The following KCNN2 variants were observed in gnomAD, a reference collection of about 807,000 sequenced individuals.
KCNN2 encodes the protein potassium calcium-activated channel subfamily N member 2.
A neutral mutation model predicts 55.5 loss-of-function variants in KCNN2; 24 were observed. That is an observed-to-expected ratio of 0.43 (90% CI 0.31 to 0.61). The LOEUF (loss-of-function observed/expected upper bound fraction) is 0.61, where lower values mean the gene tolerates loss of function less well. Among genes scored for constraint, KCNN2 ranks in the 20% least tolerant of loss-of-function variants. The probability of loss-of-function intolerance (pLI) is 0.08; values close to 1 mark genes in which losing one functional copy is unlikely to be tolerated. For missense variants in KCNN2, 754 were observed against 853.6 expected, an observed-to-expected ratio of 0.88 and a Z score of 1.45; for synonymous variants, 431 against 336.1, an observed-to-expected ratio of 1.28 and a Z score of -3.09.
intron 2 of KCNN2, among the ~76,000 whole-genome samples, chr5:114,272,399 A>G (rs1378410521): frequency 1.7e-5 from 1 of 59,050 alleles, no homozygotes; most frequent in East Asian, 6.2e-4. Flanking sequence ...ACACACATAT[A>G]TGTATGTACA....
intron 2 of KCNN2, among the ~76,000 whole-genome samples, chr5:114,264,271 T>C (rs1755166302): frequency 6.6e-6 from 1 of 152,098 alleles, no homozygotes; most frequent in Admixed American, 6.5e-5. Flanking sequence ...GTACCCTTTC[T>C]GTATATGAAT....
intron 2 of KCNN2, among the ~76,000 whole-genome samples, chr5:114,394,365 T>C (rs774325444): frequency 2.0e-5 from 3 of 152,198 alleles, no homozygotes; most frequent in Admixed American, 6.5e-5. Flanking sequence ...TTAAGAACTT[T>C]TATGTATTAG....
chr5:114,412,685 G>T (rs75238612), intron 3 of KCNN2, among the ~76,000 whole-genome samples: 1 of 152,144 alleles, frequency 6.6e-6, no homozygotes, highest in African/African-American at 2.4e-5. Flanking sequence ...GTATTTTCAG[G>T]AGAGTCACCC....
intron 1 of KCNN2, among the ~76,000 whole-genome samples, chr5:114,070,109 A>C (rs1750536574): frequency 6.6e-6 from 1 of 152,164 alleles, no homozygotes; most frequent in Admixed American, 6.5e-5. Flanking sequence ...TTTTATCTTA[A>C]CAGTGTGCAC....
At chr5:114,348,799 A>G (rs967201948) in intron 2 of KCNN2, among the ~76,000 whole-genome samples, 2 of 152,166 alleles carry the variant, frequency 1.3e-5, no homozygotes, top group Admixed American at 6.5e-5. Context: ...AATCTTATAG[A>G]TCAAAGGTTG....
chr5:114,181,446 G>T (rs935682366), intron 1 of KCNN2, among the ~76,000 whole-genome samples: 1 of 151,992 alleles, frequency 6.6e-6, no homozygotes, highest in South Asian at 2.1e-4. Context: ...TTTTTGGATT[G>T]GTTATATTCT....
chr5:114,183,727 C>CT (rs954898156), intron 1 of KCNN2, among the ~76,000 whole-genome samples: 54 of 143,608 alleles, frequency 3.8e-4, no homozygotes, highest in Middle Eastern at 3.8e-3. Context: ...TTGTACTCTC[C>CT]TTTTTTTTTT....
chr5:114,265,274 T>G (rs1755186578), intron 2 of KCNN2, among the ~76,000 whole-genome samples: 1 of 152,032 alleles, frequency 6.6e-6, no homozygotes, highest in Admixed American at 6.6e-5. Flanking sequence ...TTAACCAATT[T>G]TATACATGTT....
chr5:114,422,623 G>A lies in KCNN2; in HGVS notation c.1637+17767G>A, dbSNP rs181377968. Reference sequence around the variant, plus strand: ...ACAAGTCTGTTATGGATTACAAATGGCTAGGCATTCCAAAACAAAGCAAAA... The same window carrying A: ...ACAAGTCTGTTATGGATTACAAATGACTAGGCATTCCAAAACAAAGCAAAA... On this transcript the variant is annotated intron_variant, in intron 3 of 7. Coordinates refer to ENST00000673685, the MANE Select transcript of KCNN2 (RefSeq NM_021614.4). Among the ~76,000 whole-genome samples the A allele has an allele frequency of 5.3e-4, 81 of 152,250 alleles. No individual in the cohort carries two copies. In the South Asian group the frequency reaches 9.4e-3, roughly 18 times the overall value.
intron 1 of KCNN2, among the ~76,000 whole-genome samples, chr5:114,166,613 G>A (rs1752918222): frequency 6.6e-6 from 1 of 152,108 alleles, no homozygotes; most frequent in South Asian, 2.1e-4. Context: ...GTTTTCACCT[G>A]GTTCTCTTGG....
intron 3 of KCNN2, among the ~76,000 whole-genome samples, chr5:114,459,783 G>C (rs1761109621): frequency 6.6e-6 from 1 of 152,126 alleles, no homozygotes; most frequent in Non-Finnish European, 1.5e-5. Context: ...AAAGATGCAT[G>C]TTTCTATTTA....
intron 2 of KCNN2, among the ~76,000 whole-genome samples, chr5:114,295,028 A>G (rs1580702006): frequency 6.6e-6 from 1 of 152,090 alleles, no homozygotes; most frequent in Non-Finnish European, 1.5e-5. Context: ...TTTGCTTGGT[A>G]GATCTTCCTC....
intron 2 of KCNN2, among the ~76,000 whole-genome samples, chr5:114,395,525 C>G (rs1232362807): frequency 1.3e-5 from 2 of 152,106 alleles, no homozygotes; most frequent in African/African-American, 2.4e-5. Context: ...AATATTAGTT[C>G]TTCTCATTAC....
At chr5:114,174,253 A>G (rs774250722) in intron 1 of KCNN2, among the ~76,000 whole-genome samples, 4 of 152,148 alleles carry the variant, frequency 2.6e-5, no homozygotes, top group Non-Finnish European at 5.9e-5. Flanking sequence ...CATAAGATAC[A>G]TGAACCCTGC....
chr5:114,363,817 A>G, intron 1 of KCNN2, 89 bp from the exon 2 acceptor site: 1 of 869,020 alleles, frequency 1.2e-6, no homozygotes. Context: ...GTTCAGGTCC[A>G]CCTGTGGGGG....
intron 1 of KCNN2, among the ~76,000 whole-genome samples, chr5:114,140,296 T>C (rs890517756): frequency 1.3e-5 from 2 of 152,244 alleles, no homozygotes; most frequent in Non-Finnish European, 2.9e-5. Context: ...TAGCTAAACC[T>C]CAGCTCAGTG....
At chr5:114,147,343 AT>A (rs1239352909) in intron 1 of KCNN2, among the ~76,000 whole-genome samples, 1 of 152,136 alleles carries the variant, frequency 6.6e-6, no homozygotes, top group African/African-American at 2.4e-5. Context: ...TTTTAACCTC[AT>A]TTTTTGACAA....
intron 2 of KCNN2, among the ~76,000 whole-genome samples, chr5:114,401,643 G>C (rs1035765606): frequency 6.6e-6 from 1 of 152,184 alleles, no homozygotes; most frequent in Non-Finnish European, 1.5e-5. Flanking sequence ...GGAGTTTCCA[G>C]ATTTTTACAG....
intron 3 of KCNN2, among the ~76,000 whole-genome samples, chr5:114,425,005 GT>G (rs2150083336): frequency 6.6e-6 from 1 of 152,258 alleles, no homozygotes; most frequent in East Asian, 1.9e-4. Context: ...GGACAAATAC[GT>G]CAAGGCTCAA....
Sources: gnomAD v4.1 joint callset for allele counts (sites outside exome capture counted in the v4.1 genomes callset) on GRCh38, gnomAD v4.1.1 for gene constraint, MANE v1.5 for transcripts, NCBI Gene and HGNC (gene_info 2026-07-23, HGNC 2026-07-21) for gene names.